Variants in SNX30 observed in about 807,000 individuals in gnomAD.
SNX30 encodes the protein sorting nexin-30.
In SNX30, 24 loss-of-function variants were observed where a neutral mutation model predicts 46.4. The ratio of observed to expected loss-of-function variants is 0.52; its 90% CI spans 0.37 to 0.73. The LOEUF is 0.73. Ranked by LOEUF, SNX30 falls within the 30% of genes least tolerant of loss-of-function variation. SNX30 has a pLI of 0.00. For missense variants in SNX30, 533 were observed against 555.7 expected, an observed-to-expected ratio of 0.96 and a Z score of 0.41; for synonymous variants, 189 against 211.5, an observed-to-expected ratio of 0.89 and a Z score of 0.92.
chr9:112,811,286 G>C (rs764607947), intron 2 of SNX30, among the ~76,000 whole-genome samples: 1 of 152,184 alleles, frequency 6.6e-6, no homozygotes, highest in Non-Finnish European at 1.5e-5. Flanking sequence ...GATGGGGGTT[G>C]CCTAGAATTC....
At chr9:112,793,245 C>T (rs10817383) in intron 1 of SNX30, among the ~76,000 whole-genome samples, 9,773 of 152,190 alleles carry the variant, frequency 0.064, 702 homozygotes, top group African/African-American at 0.17. Flanking sequence ...TTAGCTGCTC[C>T]CCCCATCTCA....
At chr9:112,825,421 A>G (rs1038229447) in intron 3 of SNX30, among the ~76,000 whole-genome samples, 2 of 152,062 alleles carry the variant, frequency 1.3e-5, no homozygotes. Flanking sequence ...CAGCCTCCAC[A>G]GTAGCTGGGA....
intron 2 of SNX30, among the ~76,000 whole-genome samples, chr9:112,815,686 C>T (rs1840386382): frequency 2.6e-5 from 4 of 151,966 alleles, no homozygotes. Flanking sequence ...TTTAAGAAGG[C>T]AAAAAGTAGA....
intron 1 of SNX30, among the ~76,000 whole-genome samples, chr9:112,765,234 A>T (rs1474589511): frequency 6.6e-6 from 1 of 152,214 alleles, no homozygotes; most frequent in Non-Finnish European, 1.5e-5. Flanking sequence ...CAGGAATTTG[A>T]GGAAAAGTAG....
intron 7 of SNX30, among the ~76,000 whole-genome samples, chr9:112,859,805 C>T (rs7466336): frequency 0.57 from 85,820 of 151,400 alleles, 24,908 homozygotes; most frequent in African/African-American, 0.68. Context: ...CTGCACCTGG[C>T]CTATTTTCTG....
chr9:112,817,400 G>GGTTTTTTTTT (rs1256963697), intron 2 of SNX30, among the ~76,000 whole-genome samples: 3 of 34,386 alleles, frequency 8.7e-5, no homozygotes, highest in East Asian at 1.7e-3. Flanking sequence ...AAAAAAACTG[G>GGTTTTTTTTT]CTTTTTTTTT....
At chr9:112,864,220 G>GCACC in intron 7 of SNX30, 27 bp from the exon 8 acceptor site, 1 of 1,612,450 alleles carries the variant, frequency 6.2e-7, no homozygotes, top group African/African-American at 1.3e-5. Flanking sequence ...TGTGTGCAGG[G>GCACC]CACCCATGTG....
At chr9:112,817,110 A>T (rs1840408577) in intron 2 of SNX30, among the ~76,000 whole-genome samples, 1 of 152,178 alleles carries the variant, frequency 6.6e-6, no homozygotes, top group Non-Finnish European at 1.5e-5. Flanking sequence ...GTGGCAAATT[A>T]AGCAAAACCT....
intron 1 of SNX30, among the ~76,000 whole-genome samples, chr9:112,768,651 T>TCTTC (rs11381361): frequency 0.013 from 1,248 of 94,498 alleles, 12 homozygotes; most frequent in Non-Finnish European, 0.015. Context: ...TTTCTTCTTT[T>TCTTC]TTTTTTTTTT....
At chr9:112,822,409 T>A (rs1003063226) in intron 3 of SNX30, among the ~76,000 whole-genome samples, 1 of 152,200 alleles carries the variant, frequency 6.6e-6, no homozygotes, top group African/African-American at 2.4e-5. Flanking sequence ...ATATACAGAA[T>A]AGCCTTGCAC....
At chr9:112,786,673 T>C (rs1442913167) in intron 1 of SNX30, among the ~76,000 whole-genome samples, 1 of 152,052 alleles carries the variant, frequency 6.6e-6, no homozygotes, top group East Asian at 1.9e-4. Context: ...CTTGACTTTT[T>C]TTTTTTAAAC....
At chr9:112,843,645 T>TA (rs1554755410) in intron 6 of SNX30, among the ~76,000 whole-genome samples, 11 of 150,128 alleles carry the variant, frequency 7.3e-5, no homozygotes, top group African/African-American at 2.4e-4. Flanking sequence ...TTTTTTTTTT[T>TA]AGACAGAGTC....
intron 7 of SNX30, among the ~76,000 whole-genome samples, chr9:112,854,891 G>A (rs1368751351): frequency 1.3e-5 from 2 of 152,226 alleles, no homozygotes; most frequent in South Asian, 2.1e-4. Flanking sequence ...AAAGTGCTCG[G>A]CGTAGTGTCT....
chr9:112,777,659 C>G (rs1262167288), intron 1 of SNX30, among the ~76,000 whole-genome samples: 1 of 121,512 alleles, frequency 8.2e-6, no homozygotes, highest in Non-Finnish European at 1.6e-5. Context: ...GTTGCCCAGA[C>G]TGGTCTTAAT....
intron 7 of SNX30, among the ~76,000 whole-genome samples, chr9:112,857,729 C>T (rs531084296): frequency 3.8e-4 from 58 of 152,198 alleles, no homozygotes; most frequent in African/African-American, 1.3e-3. Context: ...CCTGGAAATG[C>T]GTGGCACATG....
At chr9:112,817,665 A>G in intron 2 of SNX30, 40 bp from the exon 3 acceptor site, 4 of 1,183,302 alleles carry the variant, frequency 3.4e-6, no homozygotes, top group Non-Finnish European at 5.1e-6. Context: ...AAGATATGCT[A>G]TTCCCTTATG....
chr9:112,848,492 G>C (rs1228521152), intron 6 of SNX30, among the ~76,000 whole-genome samples: 3 of 152,206 alleles, frequency 2.0e-5, no homozygotes, highest in African/African-American at 7.2e-5. Flanking sequence ...AAGGCAGCAG[G>C]AACAGCCTGA....
intron 1 of SNX30, among the ~76,000 whole-genome samples, chr9:112,787,154 A>G (rs1192814388): frequency 6.6e-6 from 1 of 152,178 alleles, no homozygotes; most frequent in African/African-American, 2.4e-5. Flanking sequence ...GCTGTGTGGA[A>G]ACTGTGTCTC....
intron 7 of SNX30, among the ~76,000 whole-genome samples, chr9:112,861,570 A>G (rs761059296): frequency 1.3e-5 from 2 of 152,102 alleles, no homozygotes; most frequent in Admixed American, 6.5e-5. Flanking sequence ...GGCTTTTTCT[A>G]TTCTCCAAGA....
Sources: gnomAD v4.1 joint callset for allele counts (sites outside exome capture counted in the v4.1 genomes callset) on GRCh38, gnomAD v4.1.1 for gene constraint, MANE v1.5 for transcripts, NCBI Gene and HGNC (gene_info 2026-07-23, HGNC 2026-07-21) for gene names.